Variants in SPOCD1 observed in about 807,000 individuals in gnomAD.
SPOCD1 encodes SPOC domain containing 1.
In SPOCD1, 64 loss-of-function variants were observed where a neutral mutation model predicts 92.2. The ratio of observed to expected loss-of-function variants is 0.69; its 90% CI spans 0.57 to 0.86. The LOEUF (loss-of-function observed/expected upper bound fraction) is 0.86, where lower values mean the gene tolerates loss of function less well. Ranked by LOEUF, SPOCD1 falls within the 40% of genes least tolerant of loss-of-function variation. The pLI is 0.00. For missense variants in SPOCD1, 1,360 were observed against 1,543.1 expected, an observed-to-expected ratio of 0.88 and a Z score of 1.99; for synonymous variants, 578 against 619.3, an observed-to-expected ratio of 0.93 and a Z score of 0.99.
intron 2 of SPOCD1, among the ~76,000 whole-genome samples, chr1:31,804,522 T>C (rs1228648916): frequency 6.6e-6 from 1 of 152,116 alleles, no homozygotes; most frequent in Non-Finnish European, 1.5e-5. Context: ...AAAATAACTA[T>C]CAATTGTGGA....
Position 31,814,576 on chromosome 1 carries a change from C to T in SPOCD1, c.758G>A (p.Gly253Glu). 1.3e-6 allele frequency: 2 copies of T among 1,528,706 alleles called. No individual in the cohort carries two copies. Among genetic ancestry groups the T allele is most frequent in the Non-Finnish European group, 1.8e-6 (2 of 1,138,278 alleles). 94.7% of individuals were successfully genotyped at this position (1,528,706 alleles called of 1,614,324 possible). Residue 253 changes from glycine to glutamate, a missense_variant, in exon 2 of 16, where the codon GGA (glycine) becomes GAA (glutamate). Physicochemically the swap from Gly to Glu is moderately conservative, Grantham distance 98 (BLOSUM62 -2). This residue lies in a region of SPOCD1 where 606 missense variants were observed against 601.5 expected (regional missense o/e 1.01). Transcript: ENST00000360482. This position sits in a 1 kb window ranked among gnomAD's most constrained non-coding sequence, Gnocchi z 4.2. ...TGGAGAGGGAGGTCTGCAAGGGCCTCCCAAGGACTCCAGGTCAGCAACTTG... is the reference window on the plus strand; with the variant it reads ...TGGAGAGGGAGGTCTGCAAGGGCCTTCCAAGGACTCCAGGTCAGCAACTTG... ...PPQVADLESL[G>E]GPCRPPSPKD...
Position 31,792,203 on chromosome 1 carries a change from C to A in SPOCD1, c.2962+12G>T. 1 of 1,590,822 alleles carries A rather than the reference C, an allele frequency of 6.3e-7. No individual in the cohort carries two copies. ...GCAGAGGCAGGGTCTGGTATGGGGACTAGGCACTCACCTGGGCCCCCCAAA... is the reference window on the plus strand; with the variant it reads ...GCAGAGGCAGGGTCTGGTATGGGGAATAGGCACTCACCTGGGCCCCCCAAA... On this transcript the variant is annotated intron_variant, in intron 15 of 15. Transcript: ENST00000360482.
chr1:31,790,644 C>A lies in SPOCD1; in HGVS notation c.3610G>T (p.Asp1204Tyr). 1 of 1,551,946 alleles carries A rather than the reference C, an allele frequency of 6.4e-7. No individual in the cohort carries two copies. ...PARDSSLGPTDEAGSECPFPR... is the reference protein window; with the variant it reads ...PARDSSLGPTYEAGSECPFPR... ...AAGGGACACTCAGAGCCAGCTTCAT[C>A]TGTAGGCCCCAAAGAGGAGTCACGG... The change falls in exon 16 of 16, where the codon GAT becomes TAT. Residue 1204 changes from aspartate (D) to tyrosine (Y), a missense_variant. Transcript: ENST00000360482.
At position 31,798,305 on chromosome 1, in the gene SPOCD1, C is replaced by T; in HGVS notation, c.2047G>A (p.Val683Ile). The T allele has an allele frequency of 1.2e-6, 2 of 1,613,758 alleles. No homozygotes were observed. Among genetic ancestry groups the T allele is most frequent in the South Asian group, 1.1e-5 (1 of 91,064 alleles). The stretch of plus-strand genomic sequence containing the variant: ...TCGTAGGGGGTGACATCTCCATGAA[C>T]CACTTTGAGAAACAAGTCCTGGTGG... ...PRNLDLFLKVVHGDVTPYDLV... is the reference protein window; with the variant it reads ...PRNLDLFLKVIHGDVTPYDLV... Residue 683 changes from valine to isoleucine, a missense_variant, in exon 9 of 16, where the codon GTT becomes ATT. Around this residue, in one of 3 missense-constraint regions of SPOCD1, gnomAD observed 614 missense variants for 757.8 expected, o/e 0.81. Transcript: ENST00000360482. This position sits in a 1 kb window ranked among gnomAD's most constrained non-coding sequence, Gnocchi z 4.1.
chr1:31,790,524 T>G lies in SPOCD1; in HGVS notation c.*79A>C. The G allele has an allele frequency of 1.5e-6, 2 of 1,320,982 alleles. No individual in the cohort carries two copies. Among genetic ancestry groups the G allele is most frequent in the Non-Finnish European group, 2.1e-6 (2 of 960,040 alleles). The allele number at this position is 1,320,982 out of a possible 1,614,324, so 81.8% of individuals were successfully genotyped here. A position where few individuals can be genotyped will look rare whatever the true frequency, so the allele number is the denominator to read the frequency against. On this transcript the variant is annotated 3_prime_UTR_variant, in exon 16 of 16. Transcript: ENST00000360482. ...GTGGGTAGGGCTGACCATCCTCTCC[T>G]TGCAGTCCCACCTCTCTCTGGAACA...
Position 31,800,563 on chromosome 1 carries a change from C to G in SPOCD1, c.1480G>C (p.Gly494Arg), listed in dbSNP as rs1553198673. The change falls in exon 4 of 16, where the codon GGG becomes CGG. Residue 494 changes from glycine to arginine, a missense_variant. Physicochemically the swap from Gly to Arg is moderately radical, Grantham distance 125. Around this residue, in one of 3 missense-constraint regions of SPOCD1, gnomAD observed 606 missense variants for 601.5 expected, o/e 1.01. Coordinates refer to ENST00000360482, the MANE Select transcript of SPOCD1 (RefSeq NM_144569.7). ...LLGAISHGQA[G>R]GQLPPKLEVL... Reference sequence around the variant, plus strand: ...TCCAGCTTTGGTGGCAGCTGCCCCCCTGCCTGGCCGTGGCTGATGGCCCCC... The same window carrying G: ...TCCAGCTTTGGTGGCAGCTGCCCCCGTGCCTGGCCGTGGCTGATGGCCCCC... 4.3e-6 allele frequency: 7 copies of G among 1,610,734 alleles called. No individual in the cohort carries two copies. Among genetic ancestry groups the G allele is most frequent in the Middle Eastern group, 3.3e-4 (2 of 6,078 alleles).
intron 2 of SPOCD1, among the ~76,000 whole-genome samples, chr1:31,804,542 A>C (rs1648683043): frequency 6.6e-6 from 1 of 152,248 alleles, no homozygotes; most frequent in Non-Finnish European, 1.5e-5. Context: ...ACCCAGACAA[A>C]ATACTTTTCA....
intron 2 of SPOCD1, among the ~76,000 whole-genome samples, chr1:31,813,354 G>C (rs1041270371): frequency 6.6e-6 from 1 of 152,176 alleles, no homozygotes; most frequent in Non-Finnish European, 1.5e-5. Context: ...TGCAACCTCT[G>C]CTTCCCAGGT....
At chr1:31,801,476 T>C (rs2149107705) in intron 3 of SPOCD1, among the ~76,000 whole-genome samples, 188 bp downstream of exon 3, 1 of 152,298 alleles carries the variant, frequency 6.6e-6, no homozygotes, top group South Asian at 2.1e-4. Flanking sequence ...ATGGTCAGGT[T>C]CCAAGGTCTG....
In SPOCD1 at chr1:31,814,670, C is replaced by A. The variant is rs202042246; in HGVS notation, c.664G>T (p.Ala222Ser). 13 of 1,559,286 alleles carry A rather than the reference C, an allele frequency of 8.3e-6. No individual in the cohort carries two copies. Among genetic ancestry groups the A allele is most frequent in the Middle Eastern group, 1.7e-4 (1 of 5,782 alleles). The change falls in exon 2 of 16, where the codon GCT becomes TCT. Residue 222 changes from alanine to serine, a missense_variant. This residue lies in a region of SPOCD1 where 606 missense variants were observed against 601.5 expected (regional missense o/e 1.01). Transcript: ENST00000360482. This position sits in a 1 kb window ranked among gnomAD's most constrained non-coding sequence, Gnocchi z 4.2. ...TGATCAAGCCACAGGAAGTCACCAG[C>A]CCCTTCCTCACACTCTGAATGAGCC... ...QGAHSECEEGAGDFLWLDQSP... is the reference protein window; with the variant it reads ...QGAHSECEEGSGDFLWLDQSP...
intron 14 of SPOCD1, 137 bp from the exon 15 acceptor site, chr1:31,792,538 G>T: frequency 8.5e-7 from 1 of 1,178,124 alleles, no homozygotes; most frequent in Non-Finnish European, 1.2e-6. Flanking sequence ...AGAGGGACCT[G>T]TCCAGGGTCA....
intron 6 of SPOCD1, 120 bp downstream of exon 6, chr1:31,799,689 C>T (rs1648297660): frequency 7.5e-7 from 1 of 1,333,022 alleles, no homozygotes; most frequent in South Asian, 1.3e-5. Context: ...GAGCTATAGG[C>T]TGATGGGATG....
chr1:31,797,703 C>CTT (rs1366634644), intron 9 of SPOCD1, among the ~76,000 whole-genome samples: 2 of 152,224 alleles, frequency 1.3e-5, no homozygotes, highest in Non-Finnish European at 2.9e-5. Flanking sequence ...TTCTCCAAAG[C>CTT]CTGCTCAGTG....
At chr1:31,811,742 C>T (rs1312691653) in intron 2 of SPOCD1, among the ~76,000 whole-genome samples, 1 of 152,228 alleles carries the variant, frequency 6.6e-6, no homozygotes, top group East Asian at 1.9e-4. Context: ...GTCCCTGTCA[C>T]AGCCCAGACT....
At chr1:31,800,192 T>G (rs758406111) in intron 4 of SPOCD1, 51 bp from the exon 5 acceptor site, 3 of 1,535,258 alleles carry the variant, frequency 2.0e-6, no homozygotes, top group Non-Finnish European at 1.7e-6. Flanking sequence ...GGCCAGGGAC[T>G]GTTCCCTCCC....
Position 31,800,447 on chromosome 1 carries a change from C to T in SPOCD1, c.1596G>A (p.Gly532=). ...KKRPMVQGPA[G]CQVFQPSPSG... ...GACATCACTTGTTCTGTACCTGGCA[C>T]CCAGCAGGGCCCTGCACCATGGGCC... The change falls in exon 4 of 16, where the codon GGG becomes GGA. Residue 532 remains glycine (G), a synonymous_variant. Transcript: ENST00000360482. 1 of 1,586,022 alleles carries T rather than the reference C, an allele frequency of 6.3e-7. No homozygotes were observed. The highest frequency in any genetic ancestry group is 8.6e-7 in the Non-Finnish European group (1 of 1,165,070).
chr1:31,799,146 C>T (rs1317687547), intron 7 of SPOCD1, among the ~76,000 whole-genome samples: 1 of 152,186 alleles, frequency 6.6e-6, no homozygotes, highest in Non-Finnish European at 1.5e-5. Flanking sequence ...CTGCGGGTGA[C>T]ATTGATGTGG....
chr1:31,814,188 G>A lies in SPOCD1; in HGVS notation c.1146C>T (p.Ala382=), dbSNP rs754842884. 46 of 1,571,674 alleles carry A rather than the reference G, an allele frequency of 2.9e-5. No individual in the cohort carries two copies. The highest frequency in any genetic ancestry group is 3.9e-5 in the Non-Finnish European group (45 of 1,156,870). ...GGGAGCTGGCACAGGTGTCAGCGGGGGCAGCGAGTCCTTGCTCCAGCCTTC... is the reference window on the plus strand; with the variant it reads ...GGGAGCTGGCACAGGTGTCAGCGGGAGCAGCGAGTCCTTGCTCCAGCCTTC... ...SRGRLEQGLA[A]PADTCASSRE... The change falls in exon 2 of 16, where the codon GCC becomes GCT. Residue 382 remains alanine, a synonymous_variant. Transcript: ENST00000360482. The surrounding 1 kb of genome is among the most constrained non-coding windows in gnomAD (Gnocchi z 4.2).
chr1:31,795,774 C>G (rs1359284640), intron 10 of SPOCD1: 1 of 152,224 alleles, frequency 6.6e-6, no homozygotes, highest in African/African-American at 2.4e-5. Context: ...GGTAGGTGCC[C>G]CATAAATATA....
Sources: allele counts gnomAD v4.1 joint callset (sites outside exome capture counted in the v4.1 genomes callset), GRCh38; gene constraint gnomAD v4.1.1; regional missense constraint gnomAD v4.1.1; non-coding constraint Gnocchi (gnomAD v3.1); transcripts MANE v1.5; gene names NCBI Gene and HGNC (gene_info 2026-07-23, HGNC 2026-07-21).